The following CNTNAP3 variants were observed in gnomAD, a reference collection of about 807,000 sequenced individuals.
The protein encoded by CNTNAP3 is contactin-associated protein-like 3.
CNTNAP3 carries 36 observed loss-of-function variants against 92.1 expected under a neutral mutation model. The observed-to-expected ratio is 0.39, with a 90% CI of 0.30 to 0.52. The LOEUF (loss-of-function observed/expected upper bound fraction) is 0.52, where lower values mean the gene tolerates loss of function less well. Among genes scored for constraint, CNTNAP3 ranks in the 20% least tolerant of loss-of-function variants. CNTNAP3 has a pLI of 0.76. For missense variants in CNTNAP3, 534 were observed against 1,069.6 expected (o/e 0.50, Z 6.98); for synonymous variants, 232 against 422.3 (o/e 0.55, Z 5.53).
chr9:39,139,840 G>C (rs188714747), intron 12 of CNTNAP3: 2 of 151,722 alleles, frequency 1.3e-5, no homozygotes, highest in African/African-American at 4.9e-5. Flanking sequence ...TGCCTCCCTG[G>C]TTCAAGGGAT....
rs1825518459 is a variant in CNTNAP3, at chr9:39,066,799, T to C, written c.*7091A>G. Among the ~76,000 whole-genome samples the C allele has an allele frequency of 6.6e-6, 1 of 152,308 alleles. No homozygotes were observed. The highest frequency in any genetic ancestry group is 6.5e-5 in the Admixed American group (1 of 15,294). On this transcript the variant is annotated 3_prime_UTR_variant, in exon 24 of 24. Coordinates refer to ENST00000297668, the MANE Select transcript of CNTNAP3 (RefSeq NM_033655.5). ...GTCTTTTTCTCTTTACCACACTGAG[T>C]TTTGATCCATTTGCTTATGATGTGT...
At chr9:39,084,194 GTTTTTTT>G (rs201621606) in intron 21 of CNTNAP3, among the ~76,000 whole-genome samples, 9,345 of 116,806 alleles carry the variant, frequency 0.08, 230 homozygotes, top group East Asian at 0.16. Context: ...TGCTCACCAA[GTTTTTTT>G]TTTTTTTTTT....
At chr9:39,234,582 T>G (rs890826775) in intron 3 of CNTNAP3, among the ~76,000 whole-genome samples, 494 of 6,840 alleles carry the variant, frequency 0.072, 129 homozygotes, top group Middle Eastern at 0.25. Context: ...ATGAGGAGAT[T>G]ATTCACCTCA....
At chr9:39,082,418 T>C (rs1400716224) in intron 21 of CNTNAP3, among the ~76,000 whole-genome samples, 2 of 152,044 alleles carry the variant, frequency 1.3e-5, no homozygotes, top group African/African-American at 4.8e-5. Context: ...CCTCCTCATT[T>C]TACCAATAAA....
intron 14 of CNTNAP3, among the ~76,000 whole-genome samples, chr9:39,112,656 G>A (rs369666915): frequency 1.5e-4 from 23 of 152,210 alleles, no homozygotes; most frequent in African/African-American, 4.3e-4. Context: ...GAGCCACCGC[G>A]CCCAGCCCAA....
chr9:39,139,396 T>C (rs1821518042), intron 12 of CNTNAP3, among the ~76,000 whole-genome samples: 1 of 152,212 alleles, frequency 6.6e-6, no homozygotes, highest in African/African-American at 2.4e-5. Flanking sequence ...AACGCCTGTG[T>C]TTCTTTATCT....
At chr9:39,091,631 C>T (rs1826204391) in intron 18 of CNTNAP3, among the ~76,000 whole-genome samples, 1 of 151,758 alleles carries the variant, frequency 6.6e-6, no homozygotes, top group Admixed American at 6.6e-5. Flanking sequence ...CATCTATCTA[C>T]TTAAATGATA....
At chr9:39,095,769 TATC>T (rs1335723705) in intron 18 of CNTNAP3, among the ~76,000 whole-genome samples, 1 of 144,064 alleles carries the variant, frequency 6.9e-6, no homozygotes, top group African/African-American at 2.5e-5. Flanking sequence ...ATATATATCT[TATC>T]AATAATCTGC....
intron 12 of CNTNAP3, among the ~76,000 whole-genome samples, chr9:39,140,262 C>T (rs1821542410): frequency 6.6e-6 from 1 of 152,060 alleles, no homozygotes; most frequent in Non-Finnish European, 1.5e-5. Flanking sequence ...TTTCATGATG[C>T]ACATGAACAG....
intron 21 of CNTNAP3, among the ~76,000 whole-genome samples, chr9:39,082,461 G>GAA (rs55860248): frequency 0.12 from 18,539 of 149,966 alleles, 1,506 homozygotes; most frequent in East Asian, 0.26. Flanking sequence ...CTCTTTCTTG[G>GAA]AAAAAAAAAC....
chr9:39,093,128 A>G (rs187944830), intron 18 of CNTNAP3, among the ~76,000 whole-genome samples: 2,169 of 125,036 alleles, frequency 0.017, 134 homozygotes, highest in African/African-American at 0.061. Flanking sequence ...CTTAGACAGC[A>G]TATAGTTAAG....
chr9:39,105,790 T>C (rs925150393), intron 15 of CNTNAP3, among the ~76,000 whole-genome samples: 2 of 151,746 alleles, frequency 1.3e-5, no homozygotes, highest in African/African-American at 4.8e-5. Context: ...TGCAGGCTAT[T>C]TACTAGGGTG....
chr9:39,079,708 GT>G (rs1825885921), intron 21 of CNTNAP3, among the ~76,000 whole-genome samples: 1 of 118,820 alleles, frequency 8.4e-6, no homozygotes, highest in Non-Finnish European at 1.7e-5. Context: ...GGTTTAATCA[GT>G]TTCCTTCTTA....
intron 9 of CNTNAP3, among the ~76,000 whole-genome samples, chr9:39,153,878 A>C (rs1821894350): frequency 6.8e-6 from 1 of 146,976 alleles, no homozygotes; most frequent in African/African-American, 2.6e-5. Context: ...TATTAAAATA[A>C]ATCTAGTGAG....
At chr9:39,074,990 G>A (rs532415684) in intron 23 of CNTNAP3, among the ~76,000 whole-genome samples, 64 of 152,296 alleles carry the variant, frequency 4.2e-4, no homozygotes, top group South Asian at 2.1e-3. Flanking sequence ...GGATGGTCTC[G>A]ATCTCCTGAC....
In CNTNAP3 at chr9:39,127,928, T is replaced by C. The variant is rs1366852381; in HGVS notation, c.2080+5004A>G. Among the ~76,000 whole-genome samples the C allele has an allele frequency of 2.0e-5, 3 of 152,202 alleles. No homozygotes were observed. The East Asian group carries it at 5.8e-4, about 29-fold the overall frequency. ...ATCTTGGCTCACTGCAACCTCTGCC[T>C]CCCAAGTTCAAGCGATTCTCCTGCC... On this transcript the variant is annotated intron_variant, in intron 13 of 23. Transcript: ENST00000297668.
In CNTNAP3 at chr9:39,067,237, C is replaced by G. The variant is rs1396085475; in HGVS notation, c.*6653G>C. 2.6e-5 allele frequency among the ~76,000 whole-genome samples: 4 copies of G among 152,288 alleles called. No individual in the cohort carries two copies. Among genetic ancestry groups the G allele is most frequent in the African/African-American group, 4.8e-5 (2 of 41,466 alleles). On this transcript the variant is annotated 3_prime_UTR_variant, in exon 24 of 24. Coordinates refer to ENST00000297668, the MANE Select transcript of CNTNAP3 (RefSeq NM_033655.5). The stretch of plus-strand genomic sequence containing the variant: ...TGTCACATCCTAATCTTTGAAAATA[C>G]GGAATATAGTCATAATATTTTTCAT...
chr9:39,146,415 T>C (rs1345581055), intron 10 of CNTNAP3, among the ~76,000 whole-genome samples: 2 of 151,948 alleles, frequency 1.3e-5, no homozygotes, highest in African/African-American at 2.4e-5. Flanking sequence ...CCTGGCCGGG[T>C]GTGGTGGCTC....
At chr9:39,098,009 C>T (rs998293294) in intron 18 of CNTNAP3, among the ~76,000 whole-genome samples, 2 of 150,162 alleles carry the variant, frequency 1.3e-5, no homozygotes, top group Admixed American at 1.3e-4. Context: ...CTTTAAAAAT[C>T]GATTTGCTTT....
Sources: allele counts gnomAD v4.1 joint callset (sites outside exome capture counted in the v4.1 genomes callset), GRCh38; gene constraint gnomAD v4.1.1; transcripts MANE v1.5; gene names NCBI Gene and HGNC (gene_info 2026-07-23, HGNC 2026-07-21).